MGAT4C: variants seen among roughly 807,000 people sequenced by gnomAD.
The protein encoded by MGAT4C is MGAT4 family member C.
In MGAT4C, 19 loss-of-function variants were observed where a neutral mutation model predicts 40.1. That is an observed-to-expected ratio of 0.47 (90% confidence interval 0.33 to 0.70). MGAT4C has a LOEUF of 0.70. Among genes scored for constraint, MGAT4C ranks in the 30% least tolerant of loss-of-function variants. The pLI, the probability that MGAT4C is intolerant of heterozygous loss-of-function variation, is 0.02. For synonymous variants in MGAT4C, 181 were observed against 187.1 expected, an observed-to-expected ratio of 0.97 and a Z score of 0.27; for missense variants, 491 against 563.2, an observed-to-expected ratio of 0.87 and a Z score of 1.30.
At chr12:86,342,920 T>C (rs534338505) in intron 3 of MGAT4C, among the ~76,000 whole-genome samples, 2 of 152,274 alleles carry the variant, frequency 1.3e-5, no homozygotes, top group South Asian at 4.1e-4. Flanking sequence ...CAGAATGTAT[T>C]ACATGTTGTT....
chr12:86,192,130 T>C (rs1468605173), intron 1 of MGAT4C, among the ~76,000 whole-genome samples: 3 of 146,152 alleles, frequency 2.1e-5, no homozygotes, highest in African/African-American at 7.5e-5. Context: ...CATTAGGAGA[T>C]ATACCTAATG....
intron 1 of MGAT4C, among the ~76,000 whole-genome samples, chr12:86,199,232 C>A (rs1379086971): frequency 2.0e-5 from 3 of 152,032 alleles, no homozygotes; most frequent in Admixed American, 6.6e-5. Context: ...CTCGTGGAAT[C>A]CTCAGGGATA....
At chr12:86,460,121 G>C (rs1267900982) in intron 2 of MGAT4C, among the ~76,000 whole-genome samples, 2 of 152,100 alleles carry the variant, frequency 1.3e-5, no homozygotes, top group African/African-American at 4.8e-5. Flanking sequence ...GCTGAGGTGG[G>C]AGGATTGCTT....
intron 1 of MGAT4C, among the ~76,000 whole-genome samples, chr12:86,193,792 A>G (rs1328833904): frequency 2.0e-5 from 3 of 152,078 alleles, no homozygotes; most frequent in Admixed American, 1.3e-4. Flanking sequence ...TTCCCTATGT[A>G]TTTGACTTTC....
intron 3 of MGAT4C, among the ~76,000 whole-genome samples, chr12:86,395,972 TC>T (rs1592787420): frequency 6.6e-6 from 1 of 152,192 alleles, no homozygotes; most frequent in African/African-American, 2.4e-5. Flanking sequence ...TAGTATAATT[TC>T]CTTTATCCTG....
chr12:86,504,066 G>T (rs1167795224), intron 2 of MGAT4C, among the ~76,000 whole-genome samples: 1 of 150,522 alleles, frequency 6.6e-6, no homozygotes, highest in African/African-American at 2.5e-5. Flanking sequence ...ACAAACCTAA[G>T]AAAAAATGCT....
At chr12:86,501,046 T>G (rs1958331704) in intron 2 of MGAT4C, among the ~76,000 whole-genome samples, 1 of 152,062 alleles carries the variant, frequency 6.6e-6, no homozygotes, top group South Asian at 2.1e-4. Context: ...GGAACAGGCA[T>G]ATACATTCTC....
At position 86,554,840 on chromosome 12, in the gene MGAT4C, G is replaced by C. The variant is rs543138598; in HGVS notation, c.-228-119575C>G. ...TTTGGAGATCAGGAGTCTGAAATGA[G>C]TCTTACTATGTTGGAAATCTAGGTT... On this transcript the variant is annotated intron_variant, in intron 2 of 7. Coordinates refer to the MGAT4C transcript ENST00000548651. Among the ~76,000 whole-genome samples the C allele has an allele frequency of 2.0e-4, 30 of 152,156 alleles. No homozygotes were observed. In the East Asian group the frequency reaches 2.1e-3, roughly 11 times the overall value.
chr12:86,523,554 G>A (rs1432717983), intron 2 of MGAT4C, among the ~76,000 whole-genome samples: 3 of 152,152 alleles, frequency 2.0e-5, no homozygotes, highest in Admixed American at 2.0e-4. Flanking sequence ...TGAGAAGAAT[G>A]CATATTCTGT....
At chr12:86,446,912 A>T (rs1957351388) in intron 2 of MGAT4C, among the ~76,000 whole-genome samples, 1 of 151,754 alleles carries the variant, frequency 6.6e-6, no homozygotes, top group South Asian at 2.1e-4. Flanking sequence ...AATGCTTACC[A>T]TTACTATGTC....
At chr12:86,389,646 T>C (rs773726124) in intron 3 of MGAT4C, among the ~76,000 whole-genome samples, 1 of 152,180 alleles carries the variant, frequency 6.6e-6, no homozygotes, top group Non-Finnish European at 1.5e-5. Context: ...CTGAACTAAT[T>C]TACCCTAACA....
chr12:86,507,572 A>G (rs1211022967), intron 2 of MGAT4C, among the ~76,000 whole-genome samples: 5 of 152,202 alleles, frequency 3.3e-5, no homozygotes, highest in Non-Finnish European at 7.3e-5. Context: ...CAGATTAGAG[A>G]CACAGGAAGT....
intron 1 of MGAT4C, among the ~76,000 whole-genome samples, chr12:86,744,893 G>C (rs1403920699): frequency 6.6e-6 from 1 of 151,546 alleles, no homozygotes; most frequent in Non-Finnish European, 1.5e-5. Context: ...TAAAAAAATT[G>C]AAACATAATA....
chr12:86,506,079 T>C (rs563661183), intron 2 of MGAT4C, among the ~76,000 whole-genome samples: 1 of 152,282 alleles, frequency 6.6e-6, no homozygotes, highest in Non-Finnish European at 1.5e-5. Context: ...TTTAAGCCAG[T>C]GGATCATGTA....
chr12:86,452,197 C>T lies in MGAT4C; in HGVS notation c.-228-16932G>A, dbSNP rs545622637. Among the ~76,000 whole-genome samples the T allele has an allele frequency of 7.0e-3, 1,006 of 144,570 alleles. 10 individuals are homozygous for T. Among genetic ancestry groups the T allele is most frequent in the African/African-American group, 0.024 (955 of 39,530 alleles). The allele number at this position is 144,570 out of a possible 152,430, so 94.8% of individuals were successfully genotyped here. ...TAACTAGGGCCATTCTTTTTTTTTT[C>T]TTTTTTTTTTATATACTTTTTTATT... On this transcript the variant is annotated intron_variant, in intron 2 of 7. Transcript: ENST00000548651.
Position 86,346,795 on chromosome 12 carries a change from G to A in MGAT4C, c.-119-12668C>T, listed in dbSNP as rs1028723649. Among the ~76,000 whole-genome samples, 16 of 152,108 alleles carry A rather than the reference G, an allele frequency of 1.1e-4. 1 individual carries two copies. Among genetic ancestry groups the A allele is most frequent in the African/African-American group, 3.9e-4 (16 of 41,428 alleles). On this transcript the variant is annotated intron_variant, in intron 3 of 7. Coordinates refer to the MGAT4C transcript ENST00000548651. ...CATTTGAGTCAGTGGACAGAGATAG[G>A]CAGACCGATCCTCAATCTGGGTGGG...
At position 86,471,560 on chromosome 12, in the gene MGAT4C, C is replaced by G. The variant is rs113791846; in HGVS notation, c.-228-36295G>C. On this transcript the variant is annotated intron_variant, in intron 2 of 7. Transcript: ENST00000548651. ...AAAAGGAGAAAATGAGAAGTAGAGGCACAAAGTAAGAATATGCACTATATA... is the reference window on the plus strand; with the variant it reads ...AAAAGGAGAAAATGAGAAGTAGAGGGACAAAGTAAGAATATGCACTATATA... Among the ~76,000 whole-genome samples, 501 of 151,982 alleles carry G rather than the reference C, an allele frequency of 3.3e-3. 2 individuals are homozygous for G. Among genetic ancestry groups the G allele is most frequent in the African/African-American group, 0.012 (484 of 41,502 alleles).
chr12:86,371,358 A>G (rs906955073), intron 3 of MGAT4C, among the ~76,000 whole-genome samples: 3 of 151,976 alleles, frequency 2.0e-5, no homozygotes, highest in Non-Finnish European at 4.4e-5. Flanking sequence ...CCCTAGGACA[A>G]TCAATCTTCC....
chr12:86,139,148 A>G (rs1399491274), intron 1 of MGAT4C, among the ~76,000 whole-genome samples: 1 of 152,108 alleles, frequency 6.6e-6, no homozygotes, highest in Non-Finnish European at 1.5e-5. Flanking sequence ...TTATCCTTCT[A>G]TGATGTGTTT....
Sources: gnomAD v4.1 joint callset for allele counts (sites outside exome capture counted in the v4.1 genomes callset) on GRCh38, gnomAD v4.1.1 for gene constraint, MANE v1.5 for transcripts, NCBI Gene and HGNC (gene_info 2026-07-23, HGNC 2026-07-21) for gene names.